Variants in COL11A1 observed in about 807,000 individuals in gnomAD.
The protein encoded by COL11A1 is collagen type XI alpha 1 chain, also known as collagen alpha-1(XI) chain.
In COL11A1, 74 loss-of-function variants were observed where a neutral mutation model predicts 265.2. That is an observed-to-expected ratio of 0.28 (90% CI 0.23 to 0.34). The LOEUF (loss-of-function observed/expected upper bound fraction) is 0.34, where lower values mean the gene tolerates loss of function less well. Ranked by LOEUF, COL11A1 falls within the 10% of genes least tolerant of loss-of-function variation. COL11A1 has a pLI of 1.00. For synonymous variants in COL11A1, 816 were observed against 727.6 expected (o/e 1.12, Z -1.96); for missense variants, 2,165 against 2,263.6 (o/e 0.96, Z 0.88).
rs374676938 is a variant in COL11A1, at chr1:103,004,605, T to C, written c.1899+3A>G. 1.7e-5 allele frequency: 27 copies of C among 1,607,850 alleles called. No homozygotes were observed. The highest frequency in any genetic ancestry group is 1.6e-4 in the East Asian group (7 of 44,574). ...TTTCTTAAGAAAAGAAGTATTAACA[T>C]ACCCTCATTCCATCATCACCAGGAG... is the stretch of plus-strand genomic sequence containing the variant. On this transcript the variant is annotated splice_donor_region_variant and intron_variant, in intron 19 of 66. Coordinates refer to ENST00000370096, the MANE Select transcript of COL11A1 (RefSeq NM_001854.4).
At chr1:102,932,223 G>C (rs955430648) in intron 46 of COL11A1, among the ~76,000 whole-genome samples, 33 of 152,064 alleles carry the variant, frequency 2.2e-4, no homozygotes, top group Non-Finnish European at 3.5e-4. Flanking sequence ...TTTTGCAGTG[G>C]CTGGTGCCGG....
intron 28 of COL11A1, among the ~76,000 whole-genome samples, chr1:102,995,261 C>A (rs144559027): frequency 1.2e-4 from 19 of 152,150 alleles, no homozygotes; most frequent in African/African-American, 4.3e-4. Context: ...TGTTCTTCAG[C>A]AAAAGCCAAT....
At chr1:103,017,523 T>C (rs931561021) in intron 11 of COL11A1, among the ~76,000 whole-genome samples, 3 of 152,150 alleles carry the variant, frequency 2.0e-5, no homozygotes, top group Admixed American at 6.5e-5. Flanking sequence ...CTGGAAAATA[T>C]GACTGGAATT....
chr1:103,026,159 A>C lies in COL11A1; in HGVS notation c.897+57T>G, dbSNP rs962272343. The C allele has an allele frequency of 4.9e-5, 64 of 1,302,902 alleles. No homozygotes were observed. The African/African-American group carries it at 8.6e-4, about 17-fold the overall frequency. The allele number at this position is 1,302,902 out of a possible 1,614,324, so 80.7% of individuals were successfully genotyped here. A position where few individuals can be genotyped will look rare whatever the true frequency, so the allele number is the denominator to read the frequency against. The stretch of plus-strand genomic sequence containing the variant: ...AGTTTGAGGAACAGTCAACATAAGG[A>C]ACCACAGGATGACGAACAGCAGGAC... On this transcript the variant is annotated intron_variant, in intron 6 of 66. Transcript: ENST00000370096.
chr1:102,939,790 A>G (rs996320032), intron 43 of COL11A1, among the ~76,000 whole-genome samples: 1 of 152,148 alleles, frequency 6.6e-6, no homozygotes, highest in Admixed American at 6.5e-5. Flanking sequence ...GATGCACATT[A>G]TCAGAGTGCT....
chr1:103,011,186 C>G (rs539499362), intron 14 of COL11A1, among the ~76,000 whole-genome samples: 1 of 151,966 alleles, frequency 6.6e-6, no homozygotes, highest in African/African-American at 2.4e-5. Context: ...ATTCTTCTGA[C>G]CCCAAATTTC....
chr1:103,084,164 A>T (rs1371728617), intron 1 of COL11A1, among the ~76,000 whole-genome samples: 3 of 152,150 alleles, frequency 2.0e-5, no homozygotes, highest in African/African-American at 7.2e-5. Context: ...TACACTCACA[A>T]TATTGTACAA....
chr1:102,950,409 T>G (rs1207116800), intron 41 of COL11A1, among the ~76,000 whole-genome samples: 2 of 152,134 alleles, frequency 1.3e-5, no homozygotes, highest in East Asian at 3.9e-4. Flanking sequence ...CCATGGTACT[T>G]TTTCATCTGC....
intron 6 of COL11A1, 182 bp from the exon 7 acceptor site, chr1:103,025,795 G>C (rs529278703): frequency 6.2e-7 from 1 of 1,612,518 alleles, no homozygotes; most frequent in Non-Finnish European, 8.5e-7. Flanking sequence ...CTTTTTCTTC[G>C]CTACCTTTAC....
At chr1:102,989,970 G>T (rs953139474) in intron 28 of COL11A1, among the ~76,000 whole-genome samples, 2 of 152,008 alleles carry the variant, frequency 1.3e-5, no homozygotes, top group East Asian at 3.9e-4. Flanking sequence ...CAGATTATTC[G>T]AGCCCAGGAG....
chr1:103,051,180 T>A (rs141268300), intron 4 of COL11A1, among the ~76,000 whole-genome samples: 5,170 of 152,286 alleles, frequency 0.034, 116 homozygotes, highest in Middle Eastern at 0.092. Context: ...TTTTTGTTTG[T>A]CTGTGCCCTG....
intron 31 of COL11A1, among the ~76,000 whole-genome samples, chr1:102,980,861 A>G (rs899241061): frequency 2.6e-5 from 4 of 152,114 alleles, no homozygotes; most frequent in African/African-American, 9.7e-5. Flanking sequence ...TCGGGGTCAC[A>G]TGTACTGTGA....
At chr1:103,068,696 T>TA (rs1049057021) in intron 4 of COL11A1, among the ~76,000 whole-genome samples, 27 of 149,868 alleles carry the variant, frequency 1.8e-4, no homozygotes, top group South Asian at 4.2e-4. Context: ...CTTTTTACAC[T>TA]AAAAAAAAAC....
chr1:103,040,733 T>C (rs1173613879), intron 4 of COL11A1, among the ~76,000 whole-genome samples: 1 of 151,708 alleles, frequency 6.6e-6, no homozygotes, highest in East Asian at 1.9e-4. Context: ...GAGACCTCTT[T>C]TTAAAAAATC....
intron 41 of COL11A1, among the ~76,000 whole-genome samples, chr1:102,952,933 AT>A (rs1660027664): frequency 6.6e-6 from 1 of 152,232 alleles, no homozygotes; most frequent in Admixed American, 6.5e-5. Context: ...AGAAGGTACC[AT>A]TTAGACATTC....
chr1:102,905,515 T>A (rs1247742184), intron 54 of COL11A1, among the ~76,000 whole-genome samples: 2 of 140,104 alleles, frequency 1.4e-5, no homozygotes, highest in Non-Finnish European at 3.1e-5. Flanking sequence ...CCATATAAGT[T>A]AAAAAAAAAA....
At chr1:102,891,455 T>C (rs1651768694) in intron 57 of COL11A1, among the ~76,000 whole-genome samples, 1 of 151,952 alleles carries the variant, frequency 6.6e-6, no homozygotes, top group Non-Finnish European at 1.5e-5. Context: ...GACTAAGACA[T>C]TTATCCTTTT....
rs1247702641 is a variant in COL11A1 at position 102,976,434 on chromosome 1, G to T, written c.2755-1551C>A. On this transcript the variant is annotated intron_variant, in intron 35 of 66. Transcript: ENST00000370096. ...CTGCTTCAGCCTCCTGAGTAGCTGG[G>T]ATTACAGGCACCCACCACCATGCCC... 5.3e-5 allele frequency among the ~76,000 whole-genome samples: 8 copies of T among 151,526 alleles called. No homozygotes were observed. In the East Asian group the frequency reaches 1.6e-3, roughly 30 times the overall value.
At chr1:102,932,011 A>G (rs1462391244) in intron 46 of COL11A1, among the ~76,000 whole-genome samples, 7 of 150,062 alleles carry the variant, frequency 4.7e-5, no homozygotes, top group Non-Finnish European at 1.0e-4. Flanking sequence ...GGGTTTCCTG[A>G]ATACAGCACA....
Sources: allele counts gnomAD v4.1 joint callset (sites outside exome capture counted in the v4.1 genomes callset), GRCh38; gene constraint gnomAD v4.1.1; transcripts MANE v1.5; gene names NCBI Gene and HGNC (gene_info 2026-07-23, HGNC 2026-07-21).